Variants in NAPB observed in about 807,000 individuals in gnomAD.
The protein encoded by NAPB is beta-soluble NSF attachment protein.
A neutral mutation model predicts 44.7 loss-of-function variants in NAPB; 26 were observed. The ratio of observed to expected loss-of-function variants is 0.58; its 90% CI spans 0.43 to 0.81. The LOEUF is 0.81. Ranked by LOEUF, NAPB falls within the 30% of genes least tolerant of loss-of-function variation. The pLI is 0.00. For missense variants in NAPB, 315 were observed against 356.4 expected, an observed-to-expected ratio of 0.88 and a Z score of 0.94; for synonymous variants, 120 against 116.8, an observed-to-expected ratio of 1.03 and a Z score of -0.18.
chr20:23,421,358 C>T lies in NAPB; in HGVS notation c.45G>A (p.Ala15=), dbSNP rs780680740. 26 of 1,560,734 alleles carry T rather than the reference C, an allele frequency of 1.7e-5. No individual in the cohort carries two copies. Among genetic ancestry groups the T allele is most frequent in the Non-Finnish European group, 2.2e-5 (25 of 1,152,460 alleles). Reference sequence around the variant, plus strand: ...AGGCCTTGACTCGCTTCTCGGCCTCCGCCATCAGCTGTACTGCCTCACGCT... The same window carrying T: ...AGGCCTTGACTCGCTTCTCGGCCTCTGCCATCAGCTGTACTGCCTCACGCT... ...GKEREAVQLM[A]EAEKRVKASH... is the part of the protein sequence containing the mutation. Residue 15 remains alanine (A), a synonymous_variant, in exon 1 of 11, where the codon GCG becomes GCA. Coordinates refer to ENST00000377026, the MANE Select transcript of NAPB (RefSeq NM_022080.3).
At chr20:23,401,976 C>G (rs1244762239) in intron 2 of NAPB, among the ~76,000 whole-genome samples, 1 of 152,076 alleles carries the variant, frequency 6.6e-6, no homozygotes, top group Non-Finnish European at 1.5e-5. Context: ...AAGACCTGAA[C>G]AAAATAAAAG....
chr20:23,389,292 A>T (rs1471911751), intron 7 of NAPB, among the ~76,000 whole-genome samples: 4 of 151,816 alleles, frequency 2.6e-5, no homozygotes, highest in Non-Finnish European at 4.4e-5. Flanking sequence ...AAACTGGAAC[A>T]CTGTGCATTG....
chr20:23,409,378 G>A (rs577922043), intron 1 of NAPB, among the ~76,000 whole-genome samples: 2 of 152,298 alleles, frequency 1.3e-5, no homozygotes, highest in Non-Finnish European at 1.5e-5. Flanking sequence ...ATGAGAACAA[G>A]TATAACAAAG....
At chr20:23,395,041 T>C (rs1335976527) in intron 4 of NAPB, 42 bp from the exon 5 acceptor site, 19 of 1,612,604 alleles carry the variant, frequency 1.2e-5, no homozygotes, top group Non-Finnish European at 1.6e-5. Flanking sequence ...CGATTTTACC[T>C]ATCTGAATGC....
chr20:23,393,814 G>A (rs1181953657), intron 5 of NAPB, among the ~76,000 whole-genome samples: 3 of 152,156 alleles, frequency 2.0e-5, no homozygotes, highest in South Asian at 2.1e-4. Context: ...GGAAGGGCAC[G>A]GGGAAGTTAG....
chr20:23,412,150 C>T (rs1257982351), intron 1 of NAPB, among the ~76,000 whole-genome samples: 1 of 152,190 alleles, frequency 6.6e-6, no homozygotes, highest in East Asian at 1.9e-4. Flanking sequence ...GCCTCTTTCT[C>T]CAAGTGTCAT....
intron 1 of NAPB, among the ~76,000 whole-genome samples, chr20:23,403,879 T>C (rs1985041316): frequency 6.6e-6 from 1 of 152,212 alleles, no homozygotes; most frequent in Non-Finnish European, 1.5e-5. Flanking sequence ...ATTCTACAGC[T>C]GTATGATGTC....
rs1164217263 is a variant in NAPB at position 23,375,112 on chromosome 20, T to C, written c.*2264A>G. ...ACTAACTGGGCTTTTCTCTCATTCT[T>C]TTTTTTAATCTTCTGGCAGGTCTCT... On this transcript the variant is annotated 3_prime_UTR_variant, in exon 11 of 11. Transcript: ENST00000377026. The C allele has an allele frequency of 6.6e-6, 1 of 152,134 alleles. No homozygotes were observed. The highest frequency in any genetic ancestry group is 2.4e-5 in the African/African-American group (1 of 41,426). The allele number at this position is 152,134 out of a possible 1,614,324, so 9.4% of individuals were successfully genotyped here.
In NAPB at chr20:23,374,905, T is replaced by C. The variant is rs1007891445; in HGVS notation, c.*2471A>G. On this transcript the variant is annotated 3_prime_UTR_variant, in exon 11 of 11. Transcript: ENST00000377026. ...AAGCAAAACTTTCCTCTAAGAAATA[T>C]TAACTGACTTTGACTATGAACTAAC... is the stretch of plus-strand genomic sequence containing the variant. 4 of 152,332 alleles carry C rather than the reference T, an allele frequency of 2.6e-5. No individual in the cohort carries two copies. The highest frequency in any genetic ancestry group is 9.6e-5 in the African/African-American group (4 of 41,466). The allele number at this position is 152,332 out of a possible 1,614,324, so 9.4% of individuals were successfully genotyped here. A position where few individuals can be genotyped will look rare whatever the true frequency, so the allele number is the denominator to read the frequency against.
rs953733258 is a variant in NAPB at position 23,374,876 on chromosome 20, C to G, written c.*2500G>C. 1 of 152,338 alleles carries G rather than the reference C, an allele frequency of 6.6e-6. No individual in the cohort carries two copies. Among genetic ancestry groups the G allele is most frequent in the Non-Finnish European group, 1.5e-5 (1 of 68,012 alleles). 9.4% of individuals were successfully genotyped at this position (152,338 alleles called of 1,614,324 possible). On this transcript the variant is annotated 3_prime_UTR_variant, in exon 11 of 11. Coordinates refer to ENST00000377026, the MANE Select transcript of NAPB (RefSeq NM_022080.3). Reference sequence around the variant, plus strand: ...CACACAAGCTATAAAAATGTTGCCACAAAAAGCAAAACTTTCCTCTAAGAA... The same window carrying G: ...CACACAAGCTATAAAAATGTTGCCAGAAAAAGCAAAACTTTCCTCTAAGAA...
At chr20:23,388,962 C>A (rs1007585226) in intron 7 of NAPB, among the ~76,000 whole-genome samples, 10 of 152,024 alleles carry the variant, frequency 6.6e-5, no homozygotes, top group Non-Finnish European at 1.0e-4. Context: ...AGTCCAGAGA[C>A]AACCCACAGA....
In NAPB at chr20:23,375,600, A is replaced by T. The variant is rs887277626; in HGVS notation, c.*1776T>A. On this transcript the variant is annotated 3_prime_UTR_variant, in exon 11 of 11. Coordinates refer to ENST00000377026, the MANE Select transcript of NAPB (RefSeq NM_022080.3). The stretch of plus-strand genomic sequence containing the variant: ...AGTGAAAAAGTACCAACTGGACTCC[A>T]TTCCAGGTCTTACCTCTAGAAGACA... The T allele has an allele frequency of 6.6e-6, 1 of 152,230 alleles. No homozygotes were observed. Among genetic ancestry groups the T allele is most frequent in the African/African-American group, 2.4e-5 (1 of 41,450 alleles). The allele number at this position is 152,230 out of a possible 1,614,324, so 9.4% of individuals were successfully genotyped here. A position where few individuals can be genotyped will look rare whatever the true frequency, so the allele number is the denominator to read the frequency against.
chr20:23,391,532 A>G (rs1427514629), intron 5 of NAPB, among the ~76,000 whole-genome samples: 1 of 152,194 alleles, frequency 6.6e-6, no homozygotes, highest in South Asian at 2.1e-4. Flanking sequence ...ATAACAAGAG[A>G]TAAGTATGAG....
chr20:23,417,778 C>T (rs775486325), intron 1 of NAPB, among the ~76,000 whole-genome samples: 36 of 152,014 alleles, frequency 2.4e-4, no homozygotes, highest in Non-Finnish European at 8.8e-5. Context: ...ATGTTTGCAT[C>T]CCTTGTCAGC....
At chr20:23,392,543 G>A (rs548032616) in intron 5 of NAPB, among the ~76,000 whole-genome samples, 19 of 152,244 alleles carry the variant, frequency 1.2e-4, no homozygotes, top group Middle Eastern at 3.4e-3. Context: ...GCACATGCCT[G>A]TAGTCTCAGC....
intron 9 of NAPB, 61 bp downstream of exon 9, chr20:23,379,806 C>T (rs1982852059): frequency 6.4e-6 from 8 of 1,245,466 alleles, no homozygotes; most frequent in Non-Finnish European, 9.4e-6. Context: ...CCCAATCCCA[C>T]TTAGGTGTTG....
chr20:23,402,391 A>G (rs1162992508), intron 2 of NAPB, among the ~76,000 whole-genome samples: 2 of 152,212 alleles, frequency 1.3e-5, no homozygotes, highest in East Asian at 1.9e-4. Context: ...TCTCAGACCA[A>G]TGAAAATAAT....
intron 1 of NAPB, among the ~76,000 whole-genome samples, chr20:23,415,027 T>A (rs114563697): frequency 0.016 from 2,492 of 152,226 alleles, 64 homozygotes; most frequent in East Asian, 0.094. Context: ...GCTGTTTATA[T>A]ATAAAAGGTA....
chr20:23,420,439 A>G (rs901178070), intron 1 of NAPB, among the ~76,000 whole-genome samples: 10 of 152,090 alleles, frequency 6.6e-5, no homozygotes, highest in Admixed American at 3.9e-4. Flanking sequence ...GCCCCTGGAG[A>G]GAGGCCAACA....
Sources: allele counts gnomAD v4.1 joint callset (sites outside exome capture counted in the v4.1 genomes callset), GRCh38; gene constraint gnomAD v4.1.1; transcripts MANE v1.5; gene names NCBI Gene and HGNC (gene_info 2026-07-23, HGNC 2026-07-21).